Variants in DNAJC1 observed in about 807,000 individuals in gnomAD.
DNAJC1 encodes DnaJ heat shock protein family (Hsp40) member C1.
A neutral mutation model predicts 76.6 loss-of-function variants in DNAJC1; 58 were observed. The observed-to-expected ratio is 0.76, with a 90% CI of 0.61 to 0.94. The LOEUF is 0.94. Ranked by LOEUF, DNAJC1 falls within the 40% of genes least tolerant of loss-of-function variation. The probability of loss-of-function intolerance (pLI) is 0.00; values close to 1 mark genes in which losing one functional copy is unlikely to be tolerated. For missense variants in DNAJC1, 689 were observed against 677.3 expected, an observed-to-expected ratio of 1.02 and a Z score of -0.19; for synonymous variants, 258 against 267.9, an observed-to-expected ratio of 0.96 and a Z score of 0.36.
At chr10:21,932,473 C>A (rs1031965140) in intron 1 of DNAJC1, among the ~76,000 whole-genome samples, 2 of 152,174 alleles carry the variant, frequency 1.3e-5, no homozygotes, top group Non-Finnish European at 2.9e-5. Context: ...GTGAAAATAA[C>A]CTGACAAAAA....
intron 1 of DNAJC1, among the ~76,000 whole-genome samples, chr10:21,986,281 A>C (rs1025270884): frequency 2.0e-5 from 3 of 152,204 alleles, no homozygotes; most frequent in African/African-American, 7.2e-5. Flanking sequence ...TCGATGCATA[A>C]GTATTCCAGG....
In DNAJC1 at chr10:21,956,307, C is replaced by T. The variant is rs184055844; in HGVS notation, c.223-27166G>A. Among the ~76,000 whole-genome samples the T allele has an allele frequency of 4.8e-3, 731 of 152,254 alleles. 3 individuals carry two copies. The highest frequency in any genetic ancestry group is 7.4e-3 in the Non-Finnish European group (501 of 68,030). ...GGGTAGAGCCTTCATGACCTAATCA[C>T]CTTTTAAAAGTCTCACCTCAACACT... On this transcript the variant is annotated intron_variant, in intron 1 of 11. Transcript: ENST00000376980.
intron 8 of DNAJC1, among the ~76,000 whole-genome samples, chr10:21,843,983 T>C (rs748756691): frequency 6.6e-6 from 1 of 152,150 alleles, no homozygotes; most frequent in Non-Finnish European, 1.5e-5. Flanking sequence ...ACTGTTCTCA[T>C]GGTAGTGAGT....
At chr10:21,789,122 T>C (rs1834649704) in intron 9 of DNAJC1, among the ~76,000 whole-genome samples, 1 of 152,144 alleles carries the variant, frequency 6.6e-6, no homozygotes, top group Non-Finnish European at 1.5e-5. Context: ...AGGGATCCCC[T>C]TGGCTAGGTT....
chr10:21,897,327 A>G (rs1836559064), intron 7 of DNAJC1, among the ~76,000 whole-genome samples: 1 of 152,234 alleles, frequency 6.6e-6, no homozygotes, highest in South Asian at 2.1e-4. Flanking sequence ...TTAATACACC[A>G]AAAATGAAAT....
chr10:21,802,963 G>C (rs1056682359), intron 9 of DNAJC1, among the ~76,000 whole-genome samples: 1 of 152,032 alleles, frequency 6.6e-6, no homozygotes, highest in East Asian at 1.9e-4. Context: ...CCATAATAAA[G>C]TAGGCCTTAC....
At chr10:21,806,374 A>AT (rs1834883817) in intron 8 of DNAJC1, among the ~76,000 whole-genome samples, 1 of 152,126 alleles carries the variant, frequency 6.6e-6, no homozygotes, top group South Asian at 2.1e-4. Flanking sequence ...TTTTGCAGAC[A>AT]TTTTTTAAAA....
intron 1 of DNAJC1, among the ~76,000 whole-genome samples, chr10:21,988,079 GAATTT>G (rs1564846162): frequency 6.6e-6 from 1 of 151,838 alleles, no homozygotes; most frequent in Non-Finnish European, 1.5e-5. Flanking sequence ...CTTATTATTA[GAATTT>G]ATTTCTCATT....
At chr10:21,890,221 TG>T (rs1725781145) in intron 7 of DNAJC1, among the ~76,000 whole-genome samples, 1 of 151,870 alleles carries the variant, frequency 6.6e-6, no homozygotes, top group African/African-American at 2.4e-5. Flanking sequence ...AAGACCAGCC[TG>T]GCCAACATGG....
intron 1 of DNAJC1, among the ~76,000 whole-genome samples, chr10:21,937,274 A>C (rs1216053651): frequency 6.6e-6 from 1 of 152,172 alleles, no homozygotes; most frequent in Non-Finnish European, 1.5e-5. Context: ...GAATGGATGA[A>C]AAAAGATATT....
chr10:21,920,492 A>G, intron 4 of DNAJC1: 1 of 195,122 alleles, frequency 5.1e-6, no homozygotes, highest in Non-Finnish European at 1.0e-5. Flanking sequence ...TCAGTCTTAA[A>G]TAAAAAATAT....
intron 9 of DNAJC1, among the ~76,000 whole-genome samples, chr10:21,775,184 C>A (rs1264951217): frequency 2.6e-5 from 4 of 151,982 alleles, no homozygotes; most frequent in African/African-American, 7.2e-5. Flanking sequence ...AGGCAACTTA[C>A]AACTTACAAC....
intron 1 of DNAJC1, among the ~76,000 whole-genome samples, chr10:21,969,228 A>C (rs1457734445): frequency 1.3e-5 from 2 of 149,994 alleles, no homozygotes; most frequent in Non-Finnish European, 3.0e-5. Flanking sequence ...CATTTCAAAA[A>C]AAAAAAAAAA....
At chr10:21,982,649 TA>T (rs1838175223) in intron 1 of DNAJC1, among the ~76,000 whole-genome samples, 1 of 150,938 alleles carries the variant, frequency 6.6e-6, no homozygotes, top group East Asian at 1.9e-4. Context: ...TCAATAACAG[TA>T]GTCACTAGGG....
chr10:21,841,846 C>A (rs1354376064), intron 8 of DNAJC1, among the ~76,000 whole-genome samples: 1 of 152,120 alleles, frequency 6.6e-6, no homozygotes, highest in Non-Finnish European at 1.5e-5. Context: ...TGGAACCAAC[C>A]TAAATATCCA....
At chr10:21,927,881 G>A (rs1852282469) in intron 3 of DNAJC1, among the ~76,000 whole-genome samples, 3 of 152,128 alleles carry the variant, frequency 2.0e-5, no homozygotes, top group Admixed American at 1.3e-4. Context: ...CTTCTGAAAG[G>A]GGCACAGAGA....
intron 9 of DNAJC1, among the ~76,000 whole-genome samples, chr10:21,805,467 C>T (rs1834872757): frequency 6.6e-6 from 1 of 151,572 alleles, no homozygotes; most frequent in Admixed American, 6.6e-5. Context: ...CACACACACA[C>T]ACACACACAG....
chr10:21,810,754 T>G (rs973595837), intron 8 of DNAJC1, among the ~76,000 whole-genome samples: 5 of 152,174 alleles, frequency 3.3e-5, no homozygotes, highest in Non-Finnish European at 5.9e-5. Context: ...TTTGACCAGC[T>G]TTTCCACTTG....
chr10:21,822,263 AC>A (rs1193502281), intron 8 of DNAJC1, among the ~76,000 whole-genome samples: 3 of 151,852 alleles, frequency 2.0e-5, no homozygotes, highest in African/African-American at 7.3e-5. Context: ...ACATGGTGAA[AC>A]CCCATCTCTA....
Sources: allele counts gnomAD v4.1 joint callset (sites outside exome capture counted in the v4.1 genomes callset), GRCh38; gene constraint gnomAD v4.1.1; transcripts MANE v1.5; gene names NCBI Gene and HGNC (gene_info 2026-07-23, HGNC 2026-07-21).